Variants in PIWIL1 observed in about 807,000 individuals in gnomAD.
The protein encoded by PIWIL1 is piwi-like protein 1.
In PIWIL1, 73 loss-of-function variants were observed where a neutral mutation model predicts 114.4. That is an observed-to-expected ratio of 0.64 (90% CI 0.53 to 0.78). The LOEUF is 0.78. PIWIL1 is among the 30% of genes least tolerant of loss of function. The pLI is 0.00. For missense variants in PIWIL1, 723 were observed against 1,063.1 expected, an observed-to-expected ratio of 0.68 and a Z score of 4.45; for synonymous variants, 375 against 369.0, an observed-to-expected ratio of 1.02 and a Z score of -0.19.
chr12:130,343,206 A>G (rs539126284), intron 3 of PIWIL1, 105 bp downstream of exon 3: 39 of 676,680 alleles, frequency 5.8e-5, no homozygotes, highest in Non-Finnish European at 7.5e-6. Flanking sequence ...ACTGTTTAAG[A>G]AACATTTCCT....
intron 7 of PIWIL1, 32 bp downstream of exon 7, chr12:130,348,215 T>G (rs773416474): frequency 3.1e-6 from 4 of 1,287,346 alleles, no homozygotes; most frequent in Non-Finnish European, 4.5e-6. Context: ...TAATATTCCT[T>G]AGGCTTAATG....
chr12:130,361,745 C>A, intron 16 of PIWIL1, 144 bp downstream of exon 16: 1 of 641,050 alleles, frequency 1.6e-6, no homozygotes, highest in Non-Finnish European at 2.7e-6. Context: ...AAAATAATGA[C>A]CTACCCTAGC....
At chr12:130,365,701 G>C (rs1232777661) in intron 18 of PIWIL1, among the ~76,000 whole-genome samples, 1 of 152,208 alleles carries the variant, frequency 6.6e-6, no homozygotes, top group South Asian at 2.1e-4. Flanking sequence ...TTCTCGTGAT[G>C]TTATAGGATT....
At chr12:130,420,466 C>T in the PIWIL1 span, among the ~76,000 whole-genome samples, 7 of 152,278 alleles carry the variant, frequency 4.6e-5, no homozygotes, top group South Asian at 2.1e-4. This position sits in a 1 kb window ranked among gnomAD's most constrained non-coding sequence, Gnocchi z 4.3. Flanking sequence ...AATTAAGACA[C>T]GCATGCAGCC....
At chr12:130,399,200 A>ATG in the PIWIL1 span, 1 of 1,144,502 alleles carries the variant, frequency 8.7e-7, no homozygotes, top group Non-Finnish European at 1.1e-6. Flanking sequence ...AAAAATATAT[A>ATG]TATAAAAATA....
At chr12:130,348,575 C>A (rs2073131933) in intron 7 of PIWIL1, among the ~76,000 whole-genome samples, 1 of 152,142 alleles carries the variant, frequency 6.6e-6, no homozygotes. Flanking sequence ...ATGTCACAAA[C>A]CTGCACGTGT....
the PIWIL1 span, among the ~76,000 whole-genome samples, chr12:130,399,970 A>G: frequency 6.6e-6 from 1 of 152,208 alleles, no homozygotes; most frequent in Non-Finnish European, 1.5e-5. Context: ...CAGGGTTTCC[A>G]AATTTTCCTC....
Position 130,357,533 on chromosome 12 carries a change from G to T in PIWIL1, c.1645G>T (p.Val549Phe). ...EAYLRVLQQK[V>F]TADTQIVVCL... ...CTACTTAAGAGTCTTACAGCAAAAG[G>T]TCACAGCAGACACCCAGATAGTAAG... The change falls in exon 14 of 21, where the codon GTC becomes TTC. Residue 549 changes from valine (V) to phenylalanine (F), a missense_variant. By Grantham distance (50) the Val-to-Phe change is conservative. Around this residue, in one of 8 missense-constraint regions of PIWIL1, gnomAD observed 298 missense variants for 420.8 expected, o/e 0.71. Coordinates refer to ENST00000245255, the MANE Select transcript of PIWIL1 (RefSeq NM_004764.5). 1.9e-6 allele frequency: 3 copies of T among 1,612,584 alleles called. No homozygotes were observed. The highest frequency in any genetic ancestry group is 1.7e-6 in the Non-Finnish European group (2 of 1,178,696).
At chr12:130,349,598 A>G (rs2173083) in intron 8 of PIWIL1, among the ~76,000 whole-genome samples, 162 bp downstream of exon 8, 26,110 of 152,176 alleles carry the variant, frequency 0.17, 2,432 homozygotes, top group South Asian at 0.23. Context: ...ATAGTTTTGG[A>G]GATGACATAA....
intron 9 of PIWIL1, among the ~76,000 whole-genome samples, chr12:130,353,344 A>G (rs2073270037): frequency 8.1e-6 from 1 of 123,640 alleles, no homozygotes; most frequent in Non-Finnish European, 1.6e-5. Flanking sequence ...TGCTCAGTGG[A>G]GGTGTGTGGT....
the PIWIL1 span, among the ~76,000 whole-genome samples, chr12:130,420,176 G>A: frequency 1.3e-5 from 2 of 152,108 alleles, no homozygotes; most frequent in African/African-American, 4.8e-5. The surrounding 1 kb of genome is among the most constrained non-coding windows in gnomAD (Gnocchi z 4.3). Context: ...TCTTTGCCGA[G>A]TCCTCCTCCT....
intron 3 of PIWIL1, among the ~76,000 whole-genome samples, chr12:130,344,296 C>T (rs1486293822): frequency 1.3e-5 from 2 of 152,110 alleles, no homozygotes; most frequent in East Asian, 1.9e-4. Flanking sequence ...CACCCAGTGC[C>T]ATCAATACTT....
chr12:130,367,075 A>G (rs2073680127), intron 18 of PIWIL1, 58 bp from the exon 19 acceptor site: 5 of 1,599,888 alleles, frequency 3.1e-6, no homozygotes, highest in Non-Finnish European at 4.3e-6. Flanking sequence ...ACCTGAATGA[A>G]TGAGTGCCCT....
chr12:130,393,284 T>G, the PIWIL1 span, among the ~76,000 whole-genome samples: 3 of 144,880 alleles, frequency 2.1e-5, no homozygotes, highest in African/African-American at 5.2e-5. Context: ...TCATCACATG[T>G]GTGCGTCAGT....
chr12:130,382,065 C>CT, the PIWIL1 span, among the ~76,000 whole-genome samples: 4 of 152,154 alleles, frequency 2.6e-5, no homozygotes, highest in Non-Finnish European at 5.9e-5. Flanking sequence ...TCAGATAGGT[C>CT]TTTTGCAAAT....
the PIWIL1 span, among the ~76,000 whole-genome samples, chr12:130,423,383 G>A: frequency 6.6e-6 from 1 of 152,324 alleles, no homozygotes; most frequent in Non-Finnish European, 1.5e-5. Flanking sequence ...TGGGCCCATC[G>A]CAAGCACACG....
the PIWIL1 span, among the ~76,000 whole-genome samples, chr12:130,408,244 T>C: frequency 6.6e-6 from 1 of 152,182 alleles, no homozygotes; most frequent in African/African-American, 2.4e-5. Context: ...GTTTTAAAAG[T>C]GCCTGTTTGT....
intron 1 of PIWIL1, 119 bp from the exon 2 acceptor site, chr12:130,342,461 A>G: frequency 1.5e-6 from 1 of 656,610 alleles, no homozygotes; most frequent in Non-Finnish European, 2.8e-6. Flanking sequence ...AGAAGGATAC[A>G]TAATAATTGC....
intron 14 of PIWIL1, among the ~76,000 whole-genome samples, chr12:130,358,929 G>A (rs2073438402): frequency 6.6e-6 from 1 of 152,066 alleles, no homozygotes; most frequent in Non-Finnish European, 1.5e-5. Context: ...TTTAGGCGTG[G>A]TCAGGCTGCC....
Sources: gnomAD v4.1 joint callset for allele counts (sites outside exome capture counted in the v4.1 genomes callset) on GRCh38, gnomAD v4.1.1 for gene constraint, gnomAD v4.1.1 regional missense constraint, Gnocchi (gnomAD v3.1) non-coding constraint, MANE v1.5 for transcripts, NCBI Gene and HGNC (gene_info 2026-07-23, HGNC 2026-07-21) for gene names.